ATP2B2: variants seen among roughly 807,000 people sequenced by gnomAD.
ATP2B2 encodes plasma membrane calcium-transporting ATPase 2.
Under a neutral mutation model 120.0 loss-of-function variants are expected in ATP2B2, and 15 were observed. That is an observed-to-expected ratio of 0.12 (90% CI 0.08 to 0.19). The LOEUF (loss-of-function observed/expected upper bound fraction) is 0.19, where lower values mean the gene tolerates loss of function less well. ATP2B2 is among the 10% of genes least tolerant of loss of function. The pLI is 1.00. For missense variants in ATP2B2, 1,045 were observed against 1,719.8 expected (o/e 0.61, Z 6.94); for synonymous variants, 694 against 700.3 (o/e 0.99, Z 0.14).
chr3:10,518,680 G>C (rs569959319), intron 3 of ATP2B2, among the ~76,000 whole-genome samples: 1 of 152,198 alleles, frequency 6.6e-6, no homozygotes, highest in African/African-American at 2.4e-5. Flanking sequence ...AGAGCCCCTC[G>C]CCTCGCGTAT....
chr3:10,631,442 T>C (rs914138847), intron 1 of ATP2B2, among the ~76,000 whole-genome samples: 1 of 152,232 alleles, frequency 6.6e-6, no homozygotes, highest in Non-Finnish European at 1.5e-5. Context: ...GTGACATGAC[T>C]TGCTCAAGGT....
intron 2 of ATP2B2, among the ~76,000 whole-genome samples, chr3:10,549,155 G>A (rs936615295): frequency 6.6e-6 from 1 of 152,154 alleles, no homozygotes; most frequent in Admixed American, 6.5e-5. Context: ...ATCATGATTT[G>A]TTGTCTGTCA....
chr3:10,623,881 G>A (rs1575569044), intron 1 of ATP2B2, among the ~76,000 whole-genome samples: 1 of 152,202 alleles, frequency 6.6e-6, no homozygotes. Flanking sequence ...TTCCAAGGGA[G>A]AAGCCTTGGG....
At chr3:10,505,898 C>A (rs879524365), upstream of ATP2B2, among the ~76,000 whole-genome samples, 9 of 151,980 alleles carry the variant, frequency 5.9e-5, no homozygotes, top group Non-Finnish European at 1.3e-4. Flanking sequence ...CAGGAATATG[C>A]CCGCTCCCCA....
At chr3:10,522,910 G>A (rs1322342580) in intron 3 of ATP2B2, among the ~76,000 whole-genome samples, 5 of 152,178 alleles carry the variant, frequency 3.3e-5, no homozygotes, top group Admixed American at 6.5e-5. Context: ...CGATGATGTC[G>A]GCACCCAGGG....
intron 1 of ATP2B2, among the ~76,000 whole-genome samples, chr3:10,478,860 C>A (rs1170025947): frequency 6.6e-6 from 1 of 152,138 alleles, no homozygotes; most frequent in Non-Finnish European, 1.5e-5. Flanking sequence ...CCATGTGTAA[C>A]CTGGTGGGAG....
chr3:10,683,118 G>A (rs573203332), intron 1 of ATP2B2, among the ~76,000 whole-genome samples: 25 of 151,444 alleles, frequency 1.7e-4, no homozygotes, highest in Middle Eastern at 3.4e-3. Context: ...CCCTCTGCCA[G>A]GGTTTTTTTT....
At chr3:10,334,851 G>A (rs893876371) in intron 22 of ATP2B2, among the ~76,000 whole-genome samples, 3 of 152,152 alleles carry the variant, frequency 2.0e-5, no homozygotes, top group Non-Finnish European at 4.4e-5. Context: ...TTGGATGGGG[G>A]TAGAGGCCCT....
intron 3 of ATP2B2, among the ~76,000 whole-genome samples, chr3:10,407,185 G>T (rs907615719): frequency 6.6e-6 from 1 of 152,160 alleles, no homozygotes; most frequent in African/African-American, 2.4e-5. Context: ...CTGCCAGATG[G>T]GGTGGGGGTG....
At position 10,431,115 on chromosome 3, in the gene ATP2B2, G is replaced by A. The variant is rs150554939; in HGVS notation, c.199+18230C>T. On this transcript the variant is annotated intron_variant, in intron 2 of 22. Coordinates refer to ENST00000360273, the MANE Select transcript of ATP2B2 (RefSeq NM_001001331.4). Reference sequence around the variant, plus strand: ...ATGAGGAGTTGCTTCTTATGAATGAGCAAAGTGATTTCTTGAGCTGGAATC... The same window carrying A: ...ATGAGGAGTTGCTTCTTATGAATGAACAAAGTGATTTCTTGAGCTGGAATC... Among the ~76,000 whole-genome samples, 211 of 152,256 alleles carry A rather than the reference G, an allele frequency of 1.4e-3. 1 individual carries two copies. The highest frequency in any genetic ancestry group is 4.9e-3 in the African/African-American group (203 of 41,554).
At chr3:10,448,437 A>T (rs535307716) in intron 2 of ATP2B2, among the ~76,000 whole-genome samples, 12 of 152,276 alleles carry the variant, frequency 7.9e-5, no homozygotes, top group South Asian at 2.1e-4. Context: ...CTTCCTTTCC[A>T]TGGTGAGCTG....
At chr3:10,397,853 C>T (rs1268846058) in intron 5 of ATP2B2, among the ~76,000 whole-genome samples, 1 of 152,178 alleles carries the variant, frequency 6.6e-6, no homozygotes, top group African/African-American at 2.4e-5. Context: ...CTCTTACAGG[C>T]AGCCTCTTTT....
At chr3:10,556,905 A>C (rs2125522665) in intron 2 of ATP2B2, among the ~76,000 whole-genome samples, 1 of 152,322 alleles carries the variant, frequency 6.6e-6, no homozygotes, top group East Asian at 1.9e-4. Context: ...TGAGGCTCAG[A>C]GAGGTGAAGT....
intron 1 of ATP2B2, among the ~76,000 whole-genome samples, chr3:10,488,463 A>ATTCATTCCTTCCTTCCTTCCTTCC (rs1398194870): frequency 1.0e-4 from 10 of 95,806 alleles, no homozygotes; most frequent in East Asian, 8.8e-4. Flanking sequence ...CACCCTACAA[A>ATTCATTCCTTCCTTCCTTCCTTCC]TTCCTTCCTT....
chr3:10,414,960 A>G (rs978320436), intron 2 of ATP2B2, among the ~76,000 whole-genome samples: 3 of 152,096 alleles, frequency 2.0e-5, no homozygotes, highest in African/African-American at 7.2e-5. Context: ...CAAGGTGGGA[A>G]CCCTGGGCAC....
chr3:10,393,047 C>G (rs2061908783), intron 5 of ATP2B2, among the ~76,000 whole-genome samples: 2 of 152,198 alleles, frequency 1.3e-5, no homozygotes, highest in South Asian at 4.1e-4. Flanking sequence ...GGTGGGGTGT[C>G]AACTCCATGC....
At chr3:10,429,552 G>A (rs1403174367) in intron 2 of ATP2B2, among the ~76,000 whole-genome samples, 1 of 152,176 alleles carries the variant, frequency 6.6e-6, no homozygotes, top group Non-Finnish European at 1.5e-5. Context: ...ATCAGTCAAT[G>A]TTGCATGCAT....
intron 22 of ATP2B2, chr3:10,331,852 G>T: frequency 1.2e-6 from 1 of 836,114 alleles, no homozygotes; most frequent in Non-Finnish European, 1.8e-6. Context: ...TTGTCAGAGG[G>T]CTCTGAGAAA....
chr3:10,531,462 G>C (rs1253239189), intron 3 of ATP2B2, among the ~76,000 whole-genome samples: 2 of 152,178 alleles, frequency 1.3e-5, no homozygotes, highest in Admixed American at 6.5e-5. Context: ...TTCTTCCTTT[G>C]TACAATGGGG....
Sources: allele counts gnomAD v4.1 joint callset (sites outside exome capture counted in the v4.1 genomes callset), GRCh38; gene constraint gnomAD v4.1.1; transcripts MANE v1.5; gene names NCBI Gene and HGNC (gene_info 2026-07-23, HGNC 2026-07-21).